The following DST variants were observed in gnomAD, a reference collection of about 807,000 sequenced individuals.
DST encodes bullous pemphigoid antigen.
DST carries 253 observed loss-of-function variants against 875.2 expected under a neutral mutation model. The observed-to-expected ratio is 0.29, with a 90% CI of 0.26 to 0.32. The LOEUF (loss-of-function observed/expected upper bound fraction) is 0.32. DST is among the 10% of genes least tolerant of loss of function. The pLI, the probability that DST is intolerant of heterozygous loss-of-function variation, is 1.00. For synonymous variants in DST, 3,124 were observed against 3,197.1 expected (o/e 0.98, Z 0.77); for missense variants, 8,287 against 9,111.6 (o/e 0.91, Z 3.68).
intron 72 of DST, among the ~76,000 whole-genome samples, chr6:56,514,004 C>G (rs889912944): frequency 7.9e-5 from 12 of 152,176 alleles, no homozygotes; most frequent in African/African-American, 2.9e-4. Flanking sequence ...TATTCTGCAA[C>G]AGCAAAGCTT....
At chr6:56,478,538 C>T (rs1023668400) in intron 90 of DST, among the ~76,000 whole-genome samples, 2 of 152,204 alleles carry the variant, frequency 1.3e-5, no homozygotes, top group Non-Finnish European at 2.9e-5. Flanking sequence ...CTTAATTGTA[C>T]TTTCTACCAT....
chr6:56,632,014 G>C lies in DST; in HGVS notation c.3832C>G (p.Leu1278Val), dbSNP rs1330291765. 1 of 1,613,056 alleles carries C rather than the reference G, an allele frequency of 6.2e-7. No homozygotes were observed. Among genetic ancestry groups the C allele is most frequent in the Non-Finnish European group, 8.5e-7 (1 of 1,179,138 alleles). Reference protein sequence around the residue: ...REEQEESVYNLYISEVRNIRL... With the variant: ...REEQEESVYNVYISEVRNIRL... ...ATGTTTCGAACTTCAGAGATGTAGA[G>C]ATTATAAACTGATTCCTCTTGCTCC... Residue 1278 changes from leucine (L) to valine (V), a missense_variant, in exon 29 of 104, where the codon CTC (leucine) becomes GTC (valine). This residue lies in a region of DST where 3,138 missense variants were observed against 3,116.6 expected (regional missense o/e 1.01). Transcript: ENST00000680361.
At chr6:56,870,355 C>A (rs1776437775) in intron 3 of DST, among the ~76,000 whole-genome samples, 1 of 149,060 alleles carries the variant, frequency 6.7e-6, no homozygotes, top group South Asian at 2.1e-4. Flanking sequence ...GCACTCGAGC[C>A]AGCAAAGGCA....
At chr6:56,698,221 GC>G (rs577692768) in intron 9 of DST, among the ~76,000 whole-genome samples, 195 of 151,866 alleles carry the variant, frequency 1.3e-3, no homozygotes, top group African/African-American at 4.5e-3. Flanking sequence ...GATTCCTGTA[GC>G]TCTCCATACC....
At chr6:56,578,225 T>C (rs2097904895) in intron 50 of DST, among the ~76,000 whole-genome samples, 1 of 152,078 alleles carries the variant, frequency 6.6e-6, no homozygotes, top group South Asian at 2.1e-4. Flanking sequence ...ATTTAAAAAA[T>C]TAGCTGCACA....
chr6:56,735,777 A>T (rs2099521057), intron 4 of DST, among the ~76,000 whole-genome samples: 1 of 152,240 alleles, frequency 6.6e-6, no homozygotes. Flanking sequence ...GGCAAGGCCT[A>T]AATTGAGACT....
At position 56,619,054 on chromosome 6, in the gene DST, T is replaced by G. The variant is rs2230863; in HGVS notation, c.4930-4570A>C. The G allele has an allele frequency of 6.7e-3, 10,883 of 1,614,152 alleles. 467 individuals carry two copies. The African/African-American group carries it at 0.11, about 16-fold the overall frequency. ...GGTCACACTTTTGCTTAAATTCACT[T>G]ACCAAATTTTGACTTTTCGCCAGGT... On this transcript the variant is annotated intron_variant, in intron 36 of 103. Transcript: ENST00000680361.
At chr6:56,934,580 ATATATATATC>A (rs1387400661) in intron 2 of DST, among the ~76,000 whole-genome samples, 9 of 139,514 alleles carry the variant, frequency 6.5e-5, no homozygotes, top group Admixed American at 1.5e-4. Context: ...ATATATATAT[ATATATATATC>A]GTGAGAGAGA....
At chr6:56,783,816 G>A (rs1199183275) in intron 4 of DST, among the ~76,000 whole-genome samples, 2 of 152,164 alleles carry the variant, frequency 1.3e-5, no homozygotes, top group South Asian at 2.1e-4. Context: ...TTTCTTCCTA[G>A]TCTCAATGGT....
intron 4 of DST, among the ~76,000 whole-genome samples, chr6:56,784,351 T>C (rs1327991118): frequency 6.6e-6 from 1 of 152,258 alleles, no homozygotes; most frequent in Non-Finnish European, 1.5e-5. Flanking sequence ...CCCCGTCACT[T>C]TCAGGTACAC....
At chr6:56,515,748 A>G in intron 71 of DST, 80 bp from the exon 72 acceptor site, 3 of 1,071,398 alleles carry the variant, frequency 2.8e-6, no homozygotes, top group South Asian at 3.2e-5. Flanking sequence ...CCAGCACAGT[A>G]CACCTGGACA....
At chr6:56,582,678 C>T (rs2098036804) in intron 49 of DST, among the ~76,000 whole-genome samples, 1 of 151,404 alleles carries the variant, frequency 6.6e-6, no homozygotes, top group Admixed American at 6.6e-5. Context: ...ATGTGCCATG[C>T]TGGTGTGCTG....
At chr6:56,612,187 A>T (rs1320008684) in intron 37 of DST, among the ~76,000 whole-genome samples, 1 of 152,156 alleles carries the variant, frequency 6.6e-6, no homozygotes, top group Non-Finnish European at 1.5e-5. Flanking sequence ...CCTGAGCAAC[A>T]TGGTGAAATA....
At chr6:56,870,899 A>T (rs1410261537) in intron 3 of DST, among the ~76,000 whole-genome samples, 2 of 151,298 alleles carry the variant, frequency 1.3e-5, no homozygotes, top group Non-Finnish European at 2.9e-5. Flanking sequence ...AAGGGAAAAG[A>T]GTATCAAAAG....
chr6:56,701,970 G>C lies in DST; in HGVS notation c.877-5C>G, dbSNP rs368225217. On this transcript the variant is annotated splice_region_variant and splice_polypyrimidine_tract_variant and intron_variant, in intron 7 of 103. Coordinates refer to ENST00000680361, the MANE Select transcript of DST (RefSeq NM_001374736.1). ...CATCCGACCTTTTTCTCTGGGCTAA[G>C]AACAGAAAAATGCAGGTATGAAAAA... 1.2e-5 allele frequency: 19 copies of C among 1,597,118 alleles called. No homozygotes were observed. Among genetic ancestry groups the C allele is most frequent in the Non-Finnish European group, 8.6e-7 (1 of 1,166,448 alleles).
chr6:56,779,511 G>C (rs1442851035), intron 4 of DST, among the ~76,000 whole-genome samples: 1 of 151,938 alleles, frequency 6.6e-6, no homozygotes, highest in Non-Finnish European at 1.5e-5. Flanking sequence ...GGTTTTTATG[G>C]TTTTAAGTCT....
chr6:56,794,561 A>T (rs911031510), intron 4 of DST, among the ~76,000 whole-genome samples: 2 of 152,080 alleles, frequency 1.3e-5, no homozygotes, highest in Non-Finnish European at 2.9e-5. Flanking sequence ...ACCCCACAAA[A>T]ACCTCACCAG....
intron 2 of DST, among the ~76,000 whole-genome samples, chr6:56,921,706 T>C (rs1804318811): frequency 6.6e-6 from 1 of 152,182 alleles, no homozygotes; most frequent in Non-Finnish European, 1.5e-5. Context: ...AATTGATACG[T>C]AAATACATAT....
chr6:56,582,582 AGT>A (rs1388995282), intron 49 of DST, among the ~76,000 whole-genome samples: 8 of 150,922 alleles, frequency 5.3e-5, no homozygotes, highest in African/African-American at 1.9e-4. Flanking sequence ...TAAATTACCC[AGT>A]CTCAAGTATT....
Sources: gnomAD v4.1 joint callset for allele counts (sites outside exome capture counted in the v4.1 genomes callset) on GRCh38, gnomAD v4.1.1 for gene constraint, gnomAD v4.1.1 regional missense constraint, MANE v1.5 for transcripts, NCBI Gene and HGNC (gene_info 2026-07-23, HGNC 2026-07-21) for gene names.